N4BP2L2: variants seen among roughly 807,000 people sequenced by gnomAD.
The protein encoded by N4BP2L2 is NEDD4 binding protein 2 like 2.
A neutral mutation model predicts 56.2 loss-of-function variants in N4BP2L2; 50 were observed. That is an observed-to-expected ratio of 0.89 (90% CI 0.71 to 1.13). N4BP2L2 has a LOEUF of 1.13. N4BP2L2 is among the 50% of genes most tolerant of loss of function. The pLI, the probability that N4BP2L2 is intolerant of heterozygous loss-of-function variation, is 0.00. For missense variants in N4BP2L2, 689 were observed against 693.8 expected (o/e 0.99, Z 0.08); for synonymous variants, 203 against 223.6 (o/e 0.91, Z 0.82).
At chr13:32,529,853 G>A (rs2054183139) in intron 2 of N4BP2L2, among the ~76,000 whole-genome samples, 1 of 151,778 alleles carries the variant, frequency 6.6e-6, no homozygotes, top group Admixed American at 6.6e-5. Context: ...AGCCTCCTGA[G>A]TAGCTGTGAC....
intron 6 of N4BP2L2, among the ~76,000 whole-genome samples, chr13:32,469,447 G>A (rs2081887981): frequency 6.6e-6 from 1 of 152,186 alleles, no homozygotes; most frequent in African/African-American, 2.4e-5. Context: ...TCATGAGCAG[G>A]ACATGCATGC....
At chr13:32,512,459 T>C (rs538347982) in exon 6 of N4BP2L2, 1 of 152,292 alleles carries the variant, frequency 6.6e-6, no homozygotes, top group East Asian at 1.9e-4. Flanking sequence ...GAAGTTAACA[T>C]ATTCCATTCT....
intron 6 of N4BP2L2, chr13:32,504,990 C>T (rs1187426838): frequency 6.6e-6 from 1 of 152,242 alleles, no homozygotes; most frequent in African/African-American, 2.4e-5. Context: ...CTTCATTCTC[C>T]ATCTTCCCAC....
At chr13:32,439,008 G>A (rs750601928) in intron 7 of N4BP2L2, among the ~76,000 whole-genome samples, 1 of 152,190 alleles carries the variant, frequency 6.6e-6, no homozygotes, top group African/African-American at 2.4e-5. Context: ...CAAACAAATC[G>A]CTTCGTAGCC....
At chr13:32,463,481 T>C (rs1263033756) in intron 6 of N4BP2L2, among the ~76,000 whole-genome samples, 1 of 151,874 alleles carries the variant, frequency 6.6e-6, no homozygotes, top group African/African-American at 2.4e-5. Flanking sequence ...CTGGCCAACA[T>C]GGTGAAACCC....
intron 9 of N4BP2L2, among the ~76,000 whole-genome samples, chr13:32,433,790 G>C (rs551011463): frequency 3.3e-5 from 5 of 151,264 alleles, no homozygotes; most frequent in South Asian, 2.1e-4. Flanking sequence ...AATTAGCTGG[G>C]CATGGTGGCG....
chr13:32,528,207 A>T (rs1414209398), intron 2 of N4BP2L2, among the ~76,000 whole-genome samples: 1 of 152,208 alleles, frequency 6.6e-6, no homozygotes. Context: ...TGCAACAGGT[A>T]ACCTAAAAAG....
intron 6 of N4BP2L2, among the ~76,000 whole-genome samples, chr13:32,463,930 A>AAAG (rs1486279603): frequency 1.3e-5 from 2 of 150,032 alleles, no homozygotes; most frequent in Non-Finnish European, 3.0e-5. Flanking sequence ...AAAAAAAAAA[A>AAAG]AAAAAAAAGG....
intron 2 of N4BP2L2, among the ~76,000 whole-genome samples, chr13:32,531,388 A>C (rs1056191364): frequency 6.6e-6 from 1 of 152,210 alleles, no homozygotes; most frequent in African/African-American, 2.4e-5. Context: ...CAAGGCCTAC[A>C]AGAGAGTCCA....
intron 6 of N4BP2L2, among the ~76,000 whole-genome samples, chr13:32,493,806 T>C (rs980119649): frequency 6.6e-6 from 1 of 152,260 alleles, no homozygotes; most frequent in Non-Finnish European, 1.5e-5. Flanking sequence ...GACTTATTGA[T>C]GAACTATTAA....
chr13:32,514,244 G>A (rs968797633), exon 6 of N4BP2L2: 1 of 152,038 alleles, frequency 6.6e-6, no homozygotes, highest in East Asian at 1.9e-4. Context: ...TGGTTAAAAA[G>A]CAGTATCAAA....
At chr13:32,474,527 T>TAA (rs34753353) in intron 6 of N4BP2L2, among the ~76,000 whole-genome samples, 30 of 136,126 alleles carry the variant, frequency 2.2e-4, no homozygotes, top group Admixed American at 2.9e-4. Flanking sequence ...CTGTCTCTAC[T>TAA]AAAAAAAAAA....
chr13:32,443,382 A>G (rs1430740252), exon 7 of N4BP2L2: 3 of 1,613,904 alleles, frequency 1.9e-6, no homozygotes, highest in Non-Finnish European at 2.5e-6. Context: ...GCCAGCTACC[A>G]AAATAGGGCT....
exon 7 of N4BP2L2, chr13:32,443,466 T>C: frequency 1.9e-6 from 3 of 1,613,608 alleles, no homozygotes; most frequent in Non-Finnish European, 2.5e-6. Context: ...TGATTTTAGT[T>C]GTATACACTT....
chr13:32,537,110 C>A (rs2056741035), intron 1 of N4BP2L2, 83 bp from the exon 2 acceptor site: 3 of 970,428 alleles, frequency 3.1e-6, no homozygotes, highest in Middle Eastern at 3.3e-4. Context: ...AGAAATTAGA[C>A]AAAGACATTT....
At chr13:32,537,846 C>G (rs961304295) in intron 1 of N4BP2L2, among the ~76,000 whole-genome samples, 1 of 151,970 alleles carries the variant, frequency 6.6e-6, no homozygotes, top group South Asian at 2.1e-4. Context: ...CTGAGGCGGG[C>G]GGATTGCTGC....
At chr13:32,463,918 C>CAAAAAAA (rs58685358) in intron 6 of N4BP2L2, among the ~76,000 whole-genome samples, 2,674 of 62,442 alleles carry the variant, frequency 0.043, 73 homozygotes, top group East Asian at 0.052. Flanking sequence ...TGCCCATGAC[C>CAAAAAAA]AAAAAAAAAA....
chr13:32,480,633 C>G, intron 6 of N4BP2L2: 1 of 1,287,734 alleles, frequency 7.8e-7, no homozygotes, highest in Non-Finnish European at 1.0e-6. Flanking sequence ...TTTCTTCAGT[C>G]ACACCTGAAA....
intron 6 of N4BP2L2, chr13:32,504,492 T>C (rs2090590879): frequency 6.6e-6 from 1 of 152,196 alleles, no homozygotes; most frequent in African/African-American, 2.4e-5. Flanking sequence ...ATGTATAACG[T>C]CATTTTATCT....
Sources: allele counts gnomAD v4.1 joint callset (sites outside exome capture counted in the v4.1 genomes callset), GRCh38; gene constraint gnomAD v4.1.1; transcripts MANE v1.5; gene names NCBI Gene and HGNC (gene_info 2026-07-23, HGNC 2026-07-21).